The following RPS6KA5 variants were observed in gnomAD, a reference collection of about 807,000 sequenced individuals.
RPS6KA5 encodes ribosomal protein S6 kinase alpha-5.
A neutral mutation model predicts 85.5 loss-of-function variants in RPS6KA5; 27 were observed. The ratio of observed to expected loss-of-function variants is 0.32; its 90% CI spans 0.23 to 0.44. The LOEUF (loss-of-function observed/expected upper bound fraction) is 0.44, where lower values mean the gene tolerates loss of function less well. RPS6KA5 is among the 20% of genes least tolerant of loss of function. The pLI is 1.00. For synonymous variants in RPS6KA5, 334 were observed against 348.2 expected, an observed-to-expected ratio of 0.96 and a Z score of 0.46; for missense variants, 811 against 980.9, an observed-to-expected ratio of 0.83 and a Z score of 2.31.
In RPS6KA5 at chr14:90,860,889, ATTTTTTTTT is replaced by A. The variant is rs565344552; in HGVS notation, c.*11176_*11184del. 7.1e-5 allele frequency: 9 copies of A among 127,588 alleles called. No homozygotes were observed. Among genetic ancestry groups the A allele is most frequent in the Admixed American group, 4.8e-4 (6 of 12,554 alleles). 7.9% of individuals were successfully genotyped at this position (127,588 alleles called of 1,614,324 possible). On this transcript the variant is annotated 3_prime_UTR_variant, in exon 17 of 17. Transcript: ENST00000614987. ...TGAGCAAACAAACAATATAGAGTCT[ATTTTTTTTT>A]TTTTTTTTTTGAGATGGAGTTTCGC... is the stretch of plus-strand genomic sequence containing the variant.
rs537608678 is a variant in RPS6KA5, at chr14:91,010,332, C to T, written c.104-9173G>A. On this transcript the variant is annotated intron_variant, in intron 1 of 16. Coordinates refer to ENST00000614987, the MANE Select transcript of RPS6KA5 (RefSeq NM_004755.4). ...ACCCCCTTTGAACTATAAAGTCAAA[C>T]AGCACTGGCTGGACTCTAACCATTC... Among the ~76,000 whole-genome samples the T allele has an allele frequency of 5.9e-5, 9 of 152,250 alleles. 1 individual carries two copies. The South Asian group carries it at 6.2e-4, about 11-fold the overall frequency.
Position 90,852,087 on chromosome 14 carries a change from T to C in RPS6KA5, c.*19987A>G, listed in dbSNP as rs1202270205. ...TATCTTTTCTTTAAAAAATCACTTT[T>C]TTTTTTTTTTTTTTTTTTTTAAGAC... On this transcript the variant is annotated 3_prime_UTR_variant, in exon 17 of 17. Transcript: ENST00000614987. 9.2e-6 allele frequency: 1 copy of C among 108,870 alleles called. No homozygotes were observed. Among genetic ancestry groups the C allele is most frequent in the East Asian group, 2.1e-4 (1 of 4,766 alleles). 6.7% of individuals were successfully genotyped at this position (108,870 alleles called of 1,614,324 possible). A position where few individuals can be genotyped will look rare whatever the true frequency, so the allele number is the denominator to read the frequency against.
chr14:91,052,204 T>C (rs914454603), intron 1 of RPS6KA5: 1 of 314,792 alleles, frequency 3.2e-6, no homozygotes, highest in African/African-American at 2.4e-5. Context: ...TCCCAGCACT[T>C]TGGGAGGCCC....
intron 1 of RPS6KA5, among the ~76,000 whole-genome samples, chr14:91,040,030 G>A (rs1948595714): frequency 6.6e-6 from 1 of 152,236 alleles, no homozygotes; most frequent in Admixed American, 6.5e-5. Flanking sequence ...GTAAGTTGGT[G>A]GGTGGGGAGA....
chr14:90,908,716 T>C (rs1286136), intron 7 of RPS6KA5, among the ~76,000 whole-genome samples: 125,154 of 152,158 alleles, frequency 0.82, 52,074 homozygotes, highest in East Asian at 0.97. Flanking sequence ...TATACCATAC[T>C]CTTGAAATGT....
chr14:90,938,372 C>T lies in RPS6KA5; in HGVS notation c.618+4706G>A, dbSNP rs568348561. Among the ~76,000 whole-genome samples the T allele has an allele frequency of 1.4e-4, 21 of 152,290 alleles. No individual in the cohort carries two copies. The East Asian group carries it at 3.9e-3, about 28-fold the overall frequency. Reference sequence around the variant, plus strand: ...TGAGTGTCTGTGGCTTTTCCAGGTGCACGGTGCGAGCTGTTGGTGGATCTA... The same window carrying T: ...TGAGTGTCTGTGGCTTTTCCAGGTGTACGGTGCGAGCTGTTGGTGGATCTA... On this transcript the variant is annotated intron_variant, in intron 5 of 16. Transcript: ENST00000614987.
chr14:90,859,066 T>A lies in RPS6KA5; in HGVS notation c.*13008A>T, dbSNP rs948062191. The A allele has an allele frequency of 6.6e-6, 1 of 151,908 alleles. No individual in the cohort carries two copies. Among genetic ancestry groups the A allele is most frequent in the East Asian group, 1.9e-4 (1 of 5,174 alleles). 9.4% of individuals were successfully genotyped at this position (151,908 alleles called of 1,614,324 possible). A position where few individuals can be genotyped will look rare whatever the true frequency, so the allele number is the denominator to read the frequency against. On this transcript the variant is annotated 3_prime_UTR_variant, in exon 17 of 17. Coordinates refer to ENST00000614987, the MANE Select transcript of RPS6KA5 (RefSeq NM_004755.4). The stretch of plus-strand genomic sequence containing the variant: ...GCTCTTAGTACTGAGGAGGGAAAGG[T>A]TGGAATTCAAGGTCACCGAGGTGAA...
At chr14:91,034,524 G>C (rs1288081439) in intron 1 of RPS6KA5, among the ~76,000 whole-genome samples, 1 of 152,036 alleles carries the variant, frequency 6.6e-6, no homozygotes, top group Non-Finnish European at 1.5e-5. Context: ...TCTGTGTCTA[G>C]CTAAAGGATT....
chr14:90,982,025 G>A (rs1244807643), intron 2 of RPS6KA5, among the ~76,000 whole-genome samples: 3 of 152,234 alleles, frequency 2.0e-5, no homozygotes, highest in Non-Finnish European at 4.4e-5. Flanking sequence ...GAGAAAGAAA[G>A]TAAAGTAGTC....
intron 1 of RPS6KA5, among the ~76,000 whole-genome samples, chr14:91,051,275 TAAATAAATAAA>T (rs2043069241): frequency 1.5e-5 from 1 of 68,590 alleles, no homozygotes; most frequent in Non-Finnish European, 3.4e-5. Context: ...AATAAATAAA[TAAATAAATAAA>T]GTAAATCACT....
chr14:90,929,016 G>A (rs1364288318), intron 5 of RPS6KA5, among the ~76,000 whole-genome samples: 1 of 152,002 alleles, frequency 6.6e-6, no homozygotes, highest in East Asian at 1.9e-4. Flanking sequence ...TCCAGGAATT[G>A]AAAGATGGTC....
At chr14:90,926,426 T>G (rs1163207423) in intron 5 of RPS6KA5, among the ~76,000 whole-genome samples, 1 of 151,680 alleles carries the variant, frequency 6.6e-6, no homozygotes, top group Non-Finnish European at 1.5e-5. Context: ...TTAGTAAAAT[T>G]TACTAAAGAC....
chr14:90,880,804 C>G (rs1009398232), intron 14 of RPS6KA5, among the ~76,000 whole-genome samples: 1 of 151,528 alleles, frequency 6.6e-6, no homozygotes, highest in Non-Finnish European at 1.5e-5. Flanking sequence ...ATATGAGGAC[C>G]CTCTGACCCT....
Position 90,854,768 on chromosome 14 carries a change from AC to A in RPS6KA5, c.*17305del, listed in dbSNP as rs2032189406. The A allele has an allele frequency of 6.6e-6, 1 of 152,234 alleles. No individual in the cohort carries two copies. The highest frequency in any genetic ancestry group is 1.5e-5 in the Non-Finnish European group (1 of 68,022). 9.4% of individuals were successfully genotyped at this position (152,234 alleles called of 1,614,324 possible). A position where few individuals can be genotyped will look rare whatever the true frequency, so the allele number is the denominator to read the frequency against. On this transcript the variant is annotated 3_prime_UTR_variant, in exon 17 of 17. Transcript: ENST00000614987. The stretch of plus-strand genomic sequence containing the variant: ...ACTAGACTAATGATGCCAAATACTT[AC>A]ACAAGTTCATGCATTTTAGGTGTGC...
intron 3 of RPS6KA5, among the ~76,000 whole-genome samples, chr14:90,968,492 G>A (rs939281373): frequency 7.9e-5 from 12 of 152,158 alleles, no homozygotes; most frequent in Non-Finnish European, 1.3e-4. Flanking sequence ...GCATCTCTGG[G>A]AGGACATTAT....
chr14:91,005,195 C>G (rs993550482), intron 1 of RPS6KA5, among the ~76,000 whole-genome samples: 10 of 152,126 alleles, frequency 6.6e-5, no homozygotes, highest in African/African-American at 2.4e-4. Context: ...TTTACTTGGC[C>G]TACAGTCTTT....
At chr14:90,878,725 T>C (rs909189415) in intron 14 of RPS6KA5, among the ~76,000 whole-genome samples, 1 of 152,172 alleles carries the variant, frequency 6.6e-6, no homozygotes, top group Non-Finnish European at 1.5e-5. Flanking sequence ...CAACCTACTG[T>C]ACCTTGCACC....
At chr14:90,883,374 A>G (rs1453742746) in intron 14 of RPS6KA5, among the ~76,000 whole-genome samples, 1 of 151,872 alleles carries the variant, frequency 6.6e-6, no homozygotes, top group African/African-American at 2.4e-5. Flanking sequence ...CCTAACTTCA[A>G]TTTCACTGAT....
chr14:90,959,595 T>C (rs2038694176), intron 3 of RPS6KA5, among the ~76,000 whole-genome samples: 1 of 152,072 alleles, frequency 6.6e-6, no homozygotes, highest in African/African-American at 2.4e-5. Flanking sequence ...CCAGAGTTCA[T>C]TTTGGATATG....
Sources: gnomAD v4.1 joint callset for allele counts (sites outside exome capture counted in the v4.1 genomes callset) on GRCh38, gnomAD v4.1.1 for gene constraint, MANE v1.5 for transcripts, NCBI Gene and HGNC (gene_info 2026-07-23, HGNC 2026-07-21) for gene names.